The following RABGAP1L variants were observed in gnomAD, a reference collection of about 807,000 sequenced individuals.
RABGAP1L encodes RAB GTPase activating protein 1 like.
Under a neutral mutation model 137.7 loss-of-function variants are expected in RABGAP1L, and 63 were observed. The ratio of observed to expected loss-of-function variants is 0.46; its 90% CI spans 0.37 to 0.56. The LOEUF is 0.56. Among genes scored for constraint, RABGAP1L ranks in the 20% least tolerant of loss-of-function variants. The pLI, the probability that RABGAP1L is intolerant of heterozygous loss-of-function variation, is 0.00. For missense variants in RABGAP1L, 1,095 were observed against 1,244.0 expected, an observed-to-expected ratio of 0.88 and a Z score of 1.80; for synonymous variants, 431 against 433.7, an observed-to-expected ratio of 0.99 and a Z score of 0.08.
chr1:174,409,037 CT>C (rs1408278020), intron 13 of RABGAP1L, among the ~76,000 whole-genome samples: 1 of 152,098 alleles, frequency 6.6e-6, no homozygotes, highest in Non-Finnish European at 1.5e-5. Context: ...TTGATAGTTT[CT>C]TTTCCTGTGC....
chr1:174,466,879 A>G (rs1256116018), intron 13 of RABGAP1L, among the ~76,000 whole-genome samples: 7 of 152,160 alleles, frequency 4.6e-5, no homozygotes, highest in African/African-American at 1.7e-4. Flanking sequence ...TTACCTGTGT[A>G]ATACTGGGCA....
chr1:174,944,866 A>G (rs1048759921), intron 19 of RABGAP1L, among the ~76,000 whole-genome samples: 2 of 152,128 alleles, frequency 1.3e-5, no homozygotes, highest in Non-Finnish European at 2.9e-5. Flanking sequence ...TTAGTTTCAA[A>G]TTAAATTTCT....
rs564788643 is a variant in RABGAP1L, at chr1:174,793,257, G to A, written c.2212-18575G>A. On this transcript the variant is annotated intron_variant, in intron 18 of 25. Coordinates refer to ENST00000681986, the MANE Select transcript of RABGAP1L (RefSeq NM_001366446.1). The stretch of plus-strand genomic sequence containing the variant: ...CAGTAGAATCTGATCACAAGGATTG[G>A]CAATAGGTATTAGTGATGCTACCAA... Among the ~76,000 whole-genome samples, 3 of 152,288 alleles carry A rather than the reference G, an allele frequency of 2.0e-5. 1 individual carries two copies. The highest frequency in any genetic ancestry group is 7.2e-5 in the African/African-American group (3 of 41,562).
At chr1:174,502,576 G>GTATATACA (rs1553316734) in intron 13 of RABGAP1L, among the ~76,000 whole-genome samples, 2 of 129,074 alleles carry the variant, frequency 1.5e-5, no homozygotes, top group Non-Finnish European at 3.2e-5. Flanking sequence ...AAAGTACACG[G>GTATATACA]TATATATATA....
At position 174,421,838 on chromosome 1, in the gene RABGAP1L, G is replaced by A. The variant is rs569297091; in HGVS notation, c.1710+27693G>A. Among the ~76,000 whole-genome samples the A allele has an allele frequency of 5.6e-4, 86 of 152,234 alleles. 1 individual carries two copies. Among genetic ancestry groups the A allele is most frequent in the South Asian group, 3.1e-3 (15 of 4,830 alleles). Reference sequence around the variant, plus strand: ...GGCTGGAGTACAGTGGCACGATCTCGGCTCACTGCAAACTCTGCATACTGG... The same window carrying A: ...GGCTGGAGTACAGTGGCACGATCTCAGCTCACTGCAAACTCTGCATACTGG... On this transcript the variant is annotated intron_variant, in intron 13 of 25. Transcript: ENST00000681986.
rs1279470406 is a variant in RABGAP1L, at chr1:174,993,498, A to G, written c.*3497A>G. On this transcript the variant is annotated 3_prime_UTR_variant, in exon 26 of 26. Transcript: ENST00000681986. ...TTAATAACTAGTTGCTTTATTTCCT[A>G]GCTGAAGTGAGAAAACCAACGGAAA... 2 of 152,210 alleles carry G rather than the reference A, an allele frequency of 1.3e-5. No homozygotes were observed. The highest frequency in any genetic ancestry group is 4.8e-5 in the African/African-American group (2 of 41,440). The allele number at this position is 152,210 out of a possible 1,614,324, so 9.4% of individuals were successfully genotyped here.
chr1:174,809,871 G>T lies in RABGAP1L; in HGVS notation c.2212-1961G>T, dbSNP rs903859780. ...TTTTAGTTAGAGAGGCTCTCTCTCA[G>T]ACTGAAGTTGTTTCCAGTAACTGCC... On this transcript the variant is annotated intron_variant, in intron 18 of 25. Transcript: ENST00000681986. 2.0e-5 allele frequency among the ~76,000 whole-genome samples: 3 copies of T among 152,218 alleles called. No homozygotes were observed. In the East Asian group the frequency reaches 5.8e-4, roughly 29 times the overall value.
intron 19 of RABGAP1L, among the ~76,000 whole-genome samples, chr1:174,828,258 G>A (rs1037433999): frequency 6.8e-5 from 10 of 147,720 alleles, no homozygotes; most frequent in Admixed American, 2.0e-4. Context: ...TGGTCTCTCC[G>A]GCTTTGGTTT....
At chr1:174,525,036 G>A (rs1663756939) in intron 13 of RABGAP1L, among the ~76,000 whole-genome samples, 1 of 151,910 alleles carries the variant, frequency 6.6e-6, no homozygotes, top group African/African-American at 2.4e-5. Context: ...TGCTGTTTTG[G>A]TTACTATGGT....
chr1:174,284,734 CTTTTTTTTTT>C (rs59344382), intron 10 of RABGAP1L, among the ~76,000 whole-genome samples: 5 of 42,610 alleles, frequency 1.2e-4, no homozygotes, highest in Admixed American at 2.7e-4. Context: ...TATTTCTTGT[CTTTTTTTTTT>C]TTTTTTTTTT....
At chr1:174,193,303 G>A (rs1362153978) in intron 1 of RABGAP1L, among the ~76,000 whole-genome samples, 1 of 152,164 alleles carries the variant, frequency 6.6e-6, no homozygotes, top group Non-Finnish European at 1.5e-5. Context: ...ATGCCCAGGC[G>A]GGCAGATCAT....
chr1:174,585,722 A>G (rs888583325), intron 13 of RABGAP1L, among the ~76,000 whole-genome samples: 1 of 152,210 alleles, frequency 6.6e-6, no homozygotes, highest in South Asian at 2.1e-4. Context: ...CAAGCCCTTG[A>G]TAAGTCCACC....
rs1038656260 is a variant in RABGAP1L at position 174,917,714 on chromosome 1, C to T, written c.2341-39743C>T. ...TTGGGAGGCTGAGGTGGGTTGATCA[C>T]CTGAGGTCAGGAGTTCAAGACCAGC... On this transcript the variant is annotated intron_variant, in intron 19 of 25. Transcript: ENST00000681986. 2.6e-5 allele frequency among the ~76,000 whole-genome samples: 4 copies of T among 152,088 alleles called. No individual in the cohort carries two copies. The South Asian group carries it at 6.2e-4, about 24-fold the overall frequency.
At chr1:174,608,530 T>C (rs1192868791) in intron 13 of RABGAP1L, among the ~76,000 whole-genome samples, 2 of 152,204 alleles carry the variant, frequency 1.3e-5, no homozygotes, top group African/African-American at 4.8e-5. Context: ...GGAAGGAATC[T>C]GATGATCTGT....
intron 13 of RABGAP1L, among the ~76,000 whole-genome samples, chr1:174,538,829 T>A (rs186056796): frequency 6.6e-6 from 1 of 152,304 alleles, no homozygotes; most frequent in Admixed American, 6.5e-5. Context: ...TAGGTATACA[T>A]GTTTATGTAT....
At chr1:174,804,214 T>C (rs1412356441) in intron 18 of RABGAP1L, among the ~76,000 whole-genome samples, 1 of 151,968 alleles carries the variant, frequency 6.6e-6, no homozygotes, top group Non-Finnish European at 1.5e-5. Context: ...ACTTTGCTTA[T>C]ATTCAAAATC....
chr1:174,864,019 TATA>T (rs1333518737), intron 19 of RABGAP1L, among the ~76,000 whole-genome samples: 2 of 152,224 alleles, frequency 1.3e-5, no homozygotes, highest in African/African-American at 4.8e-5. Context: ...TACAGAATTC[TATA>T]ATATTTCTTT....
chr1:174,495,025 C>T (rs182394775), intron 13 of RABGAP1L, among the ~76,000 whole-genome samples: 12 of 152,160 alleles, frequency 7.9e-5, no homozygotes, highest in Non-Finnish European at 1.5e-4. Flanking sequence ...ATCCCTTATC[C>T]TCCTTTAGAA....
chr1:174,693,958 G>A (rs1334271307), intron 15 of RABGAP1L, among the ~76,000 whole-genome samples: 1 of 152,110 alleles, frequency 6.6e-6, no homozygotes, highest in Non-Finnish European at 1.5e-5. Flanking sequence ...ATGTCTGCAG[G>A]TTCAACCAAT....
Sources: gnomAD v4.1 joint callset for allele counts (sites outside exome capture counted in the v4.1 genomes callset) on GRCh38, gnomAD v4.1.1 for gene constraint, MANE v1.5 for transcripts, NCBI Gene and HGNC (gene_info 2026-07-23, HGNC 2026-07-21) for gene names.